The following KIF26B variants were observed in gnomAD, a reference collection of about 807,000 sequenced individuals.
KIF26B encodes the protein kinesin-like protein KIF26B.
A neutral mutation model predicts 151.2 loss-of-function variants in KIF26B; 63 were observed. The observed-to-expected ratio is 0.42, with a 90% CI of 0.34 to 0.51. The LOEUF (loss-of-function observed/expected upper bound fraction) is 0.51. Among genes scored for constraint, KIF26B ranks in the 20% least tolerant of loss-of-function variants. KIF26B has a pLI of 0.07. For missense variants in KIF26B, 2,813 were observed against 2,913.6 expected, an observed-to-expected ratio of 0.97 and a Z score of 0.79; for synonymous variants, 1,357 against 1,262.1, an observed-to-expected ratio of 1.08 and a Z score of -1.59.
At chr1:245,338,349 T>G (rs1672274740) in intron 2 of KIF26B, among the ~76,000 whole-genome samples, 1 of 152,188 alleles carries the variant, frequency 6.6e-6, no homozygotes, top group Admixed American at 6.5e-5. Flanking sequence ...GCTCATTCAT[T>G]TACGTGTTTC....
At chr1:245,595,405 C>A (rs1427820692) in intron 5 of KIF26B, among the ~76,000 whole-genome samples, 1 of 148,568 alleles carries the variant, frequency 6.7e-6, no homozygotes, top group Non-Finnish European at 1.5e-5. Flanking sequence ...GCCTTTTCTG[C>A]ATCTATTGAG....
intron 4 of KIF26B, among the ~76,000 whole-genome samples, chr1:245,427,113 A>G (rs1005285778): frequency 2.0e-5 from 3 of 152,134 alleles, no homozygotes; most frequent in Non-Finnish European, 4.4e-5. Flanking sequence ...CAACAATATT[A>G]CCAGAGAAAA....
At chr1:245,240,197 G>A (rs991415231) in intron 2 of KIF26B, among the ~76,000 whole-genome samples, 1 of 152,018 alleles carries the variant, frequency 6.6e-6, no homozygotes, top group African/African-American at 2.4e-5. Flanking sequence ...TGAAAACCAC[G>A]TGGTCTTTCT....
At position 245,687,482 on chromosome 1, in the gene KIF26B, C is replaced by A. The variant is rs199978631; in HGVS notation, c.4499C>A (p.Ser1500Tyr). The A allele has an allele frequency of 2.3e-5, 36 of 1,583,050 alleles. No homozygotes were observed. In the Admixed American group the frequency reaches 5.1e-4, roughly 22 times the overall value. The change falls in exon 12 of 15, where the codon TCC becomes TAC. Residue 1500 changes from serine (S) to tyrosine (Y), a missense_variant. Transcript: ENST00000407071. The surrounding 1 kb of genome is among the most constrained non-coding windows in gnomAD (Gnocchi z 4.9). Reference protein sequence around the residue: ...LSSSSGEVSASPVTDNFRRVV... With the variant: ...LSSSSGEVSAYPVTDNFRRVV... ...AGCAGCAGCGGAGAGGTGTCGGCCT[C>A]CCCGGTCACTGACAACTTCAGGAGG...
rs758993117 is a variant in KIF26B, at chr1:245,184,050, GTT to G, written c.465+27385_465+27386del. Among the ~76,000 whole-genome samples, 9 of 19,812 alleles carry G rather than the reference GTT, an allele frequency of 4.5e-4. 1 individual carries two copies. The highest frequency in any genetic ancestry group is 5.6e-3 in the South Asian group (2 of 354). The allele number at this position is 19,812 out of a possible 152,430, so 13.0% of individuals were successfully genotyped here. A position where few individuals can be genotyped will look rare whatever the true frequency, so the allele number is the denominator to read the frequency against. ...GCAACAGGTATGGGTGGGAGTTGTT[GTT>G]TTTTTTTTTTTTTTTTTGAGCTTTC... On this transcript the variant is annotated intron_variant, in intron 2 of 14. Transcript: ENST00000407071.
chr1:245,467,942 G>T (rs1331789983), intron 4 of KIF26B, among the ~76,000 whole-genome samples: 1 of 151,792 alleles, frequency 6.6e-6, no homozygotes, highest in Non-Finnish European at 1.5e-5. Context: ...AGCAGTCTCT[G>T]CCTTTAATAA....
At chr1:245,505,980 G>A (rs1045383048) in intron 4 of KIF26B, among the ~76,000 whole-genome samples, 13 of 152,238 alleles carry the variant, frequency 8.5e-5, no homozygotes, top group African/African-American at 2.4e-4. Flanking sequence ...GGTATGATTC[G>A]TTTAGAGTTT....
intron 2 of KIF26B, among the ~76,000 whole-genome samples, chr1:245,319,511 GTT>G (rs34496402): frequency 2.5e-4 from 37 of 146,974 alleles, no homozygotes; most frequent in Middle Eastern, 3.6e-3. Context: ...ACTACGCCAA[GTT>G]TTTTTTTTTT....
chr1:245,377,362 T>C (rs937402909), intron 3 of KIF26B, among the ~76,000 whole-genome samples: 2 of 152,218 alleles, frequency 1.3e-5, no homozygotes, highest in African/African-American at 4.8e-5. Flanking sequence ...ATTCCTTGGC[T>C]TCTGATGCAT....
chr1:245,424,445 T>G (rs1390049370), intron 4 of KIF26B, among the ~76,000 whole-genome samples: 1 of 152,216 alleles, frequency 6.6e-6, no homozygotes, highest in Non-Finnish European at 1.5e-5. Flanking sequence ...TAATAAACAT[T>G]GTATATATTT....
At chr1:245,382,725 C>T (rs914517403) in intron 3 of KIF26B, among the ~76,000 whole-genome samples, 2 of 151,834 alleles carry the variant, frequency 1.3e-5, no homozygotes, top group Non-Finnish European at 2.9e-5. Context: ...TGCACCACCA[C>T]GCCCGGCTAA....
chr1:245,610,157 G>A (rs1014350326), intron 8 of KIF26B, among the ~76,000 whole-genome samples: 1 of 152,174 alleles, frequency 6.6e-6, no homozygotes, highest in Admixed American at 6.5e-5. Context: ...TCTAACAGTA[G>A]GCTTTATTTT....
intron 4 of KIF26B, among the ~76,000 whole-genome samples, chr1:245,489,302 A>C (rs565298441): frequency 6.6e-6 from 1 of 152,362 alleles, no homozygotes; most frequent in South Asian, 2.1e-4. Flanking sequence ...GTTAAATTGC[A>C]GTTGCATGTC....
At chr1:245,473,566 A>C (rs1659961170) in intron 4 of KIF26B, among the ~76,000 whole-genome samples, 1 of 151,764 alleles carries the variant, frequency 6.6e-6, no homozygotes. Context: ...TCCCATTCTT[A>C]ATGGGGGTTG....
intron 2 of KIF26B, among the ~76,000 whole-genome samples, chr1:245,328,333 C>G (rs551137339): frequency 3.4e-4 from 52 of 152,202 alleles, no homozygotes; most frequent in Middle Eastern, 3.4e-3. Flanking sequence ...CAGTCTGTTT[C>G]TATTTATTTA....
chr1:245,237,985 T>G (rs1397942850), intron 2 of KIF26B, among the ~76,000 whole-genome samples: 2 of 149,984 alleles, frequency 1.3e-5, no homozygotes, highest in Admixed American at 1.3e-4. Flanking sequence ...ATGATTGCAC[T>G]ACTGCACTCC....
chr1:245,403,822 G>T (rs1032367091), intron 3 of KIF26B, among the ~76,000 whole-genome samples: 1 of 152,214 alleles, frequency 6.6e-6, no homozygotes, highest in African/African-American at 2.4e-5. Context: ...GGAAGTAAAA[G>T]TTACTCTAAA....
At chr1:245,416,862 G>T (rs1674432947) in intron 3 of KIF26B, among the ~76,000 whole-genome samples, 1 of 152,170 alleles carries the variant, frequency 6.6e-6, no homozygotes, top group African/African-American at 2.4e-5. Context: ...CTCTGAAGAG[G>T]ATACTGGGCA....
rs371175960 is a variant in KIF26B, at chr1:245,423,116, GGAAA to G, written c.1166+3387_1166+3390del. ...CAGTCTCAAAAAAAAAAAAAAAAAA[GGAAA>G]GAAAGAAAGAAAGAAGCAACAGCTA... is the stretch of plus-strand genomic sequence containing the variant. On this transcript the variant is annotated intron_variant, in intron 4 of 14. Transcript: ENST00000407071. 4.6e-3 allele frequency among the ~76,000 whole-genome samples: 660 copies of G among 142,376 alleles called. 5 individuals are homozygous for G. The highest frequency in any genetic ancestry group is 7.5e-3 in the African/African-American group (287 of 38,250). 93.4% of individuals were successfully genotyped at this position (142,376 alleles called of 152,430 possible).
Sources: allele counts gnomAD v4.1 joint callset (sites outside exome capture counted in the v4.1 genomes callset), GRCh38; gene constraint gnomAD v4.1.1; non-coding constraint Gnocchi (gnomAD v3.1); transcripts MANE v1.5; gene names NCBI Gene and HGNC (gene_info 2026-07-23, HGNC 2026-07-21).